Variants in PRMT8 observed in about 807,000 individuals in gnomAD.
PRMT8 encodes protein arginine N-methyltransferase 8.
PRMT8 carries 7 observed loss-of-function variants against 47.1 expected under a neutral mutation model. The observed-to-expected ratio is 0.15, with a 90% confidence interval of 0.08 to 0.28. The LOEUF is 0.28. PRMT8 is among the 10% of genes least tolerant of loss of function. PRMT8 has a pLI of 1.00. For synonymous variants in PRMT8, 188 were observed against 186.5 expected (o/e 1.01, Z -0.07); for missense variants, 237 against 505.4 (o/e 0.47, Z 5.09).
chr12:3,578,628 G>C (rs1296542725), intron 7 of PRMT8, among the ~76,000 whole-genome samples: 1 of 152,162 alleles, frequency 6.6e-6, no homozygotes, highest in Non-Finnish European at 1.5e-5. Flanking sequence ...AAAGTATCGG[G>C]GCAGGGTACT....
At chr12:3,539,196 G>A (rs1332972935) in intron 1 of PRMT8, among the ~76,000 whole-genome samples, 2 of 152,216 alleles carry the variant, frequency 1.3e-5, no homozygotes, top group Admixed American at 1.3e-4. Flanking sequence ...CTATGTGCCA[G>A]CCTGTTCTAA....
At chr12:3,554,413 G>T (rs766738395) in intron 4 of PRMT8, among the ~76,000 whole-genome samples, 12 of 152,240 alleles carry the variant, frequency 7.9e-5, no homozygotes, top group African/African-American at 1.2e-4. Flanking sequence ...CAGTGCTGGG[G>T]AGAACATCAG....
intron 1 of PRMT8, among the ~76,000 whole-genome samples, chr12:3,516,179 T>C (rs1309593235): frequency 1.3e-5 from 2 of 152,210 alleles, no homozygotes; most frequent in Non-Finnish European, 2.9e-5. Context: ...TTCTTTACCA[T>C]AGGCCCTAGG....
At chr12:3,549,825 T>A (rs1032032120) in intron 2 of PRMT8, 111 bp from the exon 3 acceptor site, 5 of 1,227,060 alleles carry the variant, frequency 4.1e-6, no homozygotes, top group Non-Finnish European at 5.8e-6. Context: ...CCTGATGATA[T>A]TATCGGGTCT....
chr12:3,439,707 A>G (rs1272103925), intron 1 of PRMT8, among the ~76,000 whole-genome samples: 3 of 152,198 alleles, frequency 2.0e-5, no homozygotes, highest in Admixed American at 2.0e-4. Flanking sequence ...AGGGGTTCAC[A>G]TGAGAAACAA....
intron 1 of PRMT8, among the ~76,000 whole-genome samples, chr12:3,406,154 T>C (rs1452330877): frequency 6.6e-6 from 1 of 152,254 alleles, no homozygotes; most frequent in African/African-American, 2.4e-5. Context: ...TTGCACCTTT[T>C]GAAGCAATGG....
chr12:3,587,515 G>A (rs184326094), intron 8 of PRMT8, among the ~76,000 whole-genome samples: 1 of 152,124 alleles, frequency 6.6e-6, no homozygotes, highest in Admixed American at 6.5e-5. Context: ...ATTGATTCGA[G>A]CTATGCCCTG....
chr12:3,535,882 C>T lies in PRMT8; in HGVS notation c.76-4724C>T, dbSNP rs147697341. Among the ~76,000 whole-genome samples the T allele has an allele frequency of 8.5e-4, 130 of 152,312 alleles. No homozygotes were observed. Among genetic ancestry groups the T allele is most frequent in the Middle Eastern group, 6.8e-3 (2 of 294 alleles). ...GTATACAAGATTGGAGTTTGAAAGTCACCTTCACTCAGAGACTCTGCTTGC... is the reference window on the plus strand; with the variant it reads ...GTATACAAGATTGGAGTTTGAAAGTTACCTTCACTCAGAGACTCTGCTTGC... On this transcript the variant is annotated intron_variant, in intron 1 of 9. Transcript: ENST00000382622. This position sits in a 1 kb window ranked among gnomAD's most constrained non-coding sequence, Gnocchi z 4.7.
At chr12:3,512,759 T>C (rs1175859418) in intron 1 of PRMT8, among the ~76,000 whole-genome samples, 1 of 152,228 alleles carries the variant, frequency 6.6e-6, no homozygotes, top group Admixed American at 6.5e-5. Context: ...GCCAACAGGA[T>C]GACTTAGTGG....
At chr12:3,577,288 G>C (rs970771366) in intron 7 of PRMT8, among the ~76,000 whole-genome samples, 1 of 152,250 alleles carries the variant, frequency 6.6e-6, no homozygotes, top group African/African-American at 2.4e-5. Flanking sequence ...ACACCTGGAA[G>C]AGGAGAGCGT....
rs967146941 is a variant in PRMT8 at position 3,566,987 on chromosome 12, T to C, written c.482-1719T>C. 6.6e-6 allele frequency among the ~76,000 whole-genome samples: 1 copy of C among 152,348 alleles called. No individual in the cohort carries two copies. Among genetic ancestry groups the C allele is most frequent in the Non-Finnish European group, 1.5e-5 (1 of 68,042 alleles). On this transcript the variant is annotated intron_variant, in intron 4 of 9. Transcript: ENST00000382622. The surrounding 1 kb of genome is among the most constrained non-coding windows in gnomAD (Gnocchi z 4.7). Reference sequence around the variant, plus strand: ...AAAAGGGACTCCAAAATTATGTGTATGTCTATGTCAGTTTATCAAAAACTC... The same window carrying C: ...AAAAGGGACTCCAAAATTATGTGTACGTCTATGTCAGTTTATCAAAAACTC...
chr12:3,516,809 C>T (rs879776970), intron 1 of PRMT8, among the ~76,000 whole-genome samples: 3 of 152,056 alleles, frequency 2.0e-5, no homozygotes, highest in Non-Finnish European at 2.9e-5. Context: ...CCTTCCCCCT[C>T]GCCCCTTAGT....
At chr12:3,394,576 G>T (rs1289353684) in intron 1 of PRMT8, among the ~76,000 whole-genome samples, 3 of 152,086 alleles carry the variant, frequency 2.0e-5, no homozygotes, top group Non-Finnish European at 4.4e-5. Context: ...TGATCATGGT[G>T]GATAAGCTTT....
chr12:3,386,185 T>C (rs577039588), intron 1 of PRMT8, among the ~76,000 whole-genome samples: 1 of 152,344 alleles, frequency 6.6e-6, no homozygotes, highest in South Asian at 2.1e-4. Context: ...TGTCTTTGTG[T>C]CTTTGGGCTG....
chr12:3,444,848 C>T (rs895655327), intron 1 of PRMT8, among the ~76,000 whole-genome samples: 2 of 152,194 alleles, frequency 1.3e-5, no homozygotes, highest in African/African-American at 4.8e-5. Flanking sequence ...CTGCACATGC[C>T]CCTTCGGGTG....
chr12:3,572,786 T>C lies in PRMT8; in HGVS notation c.712+3222T>C, dbSNP rs556799240. ...TGACCTCATTCTGAGGCAGTCCCAT[T>C]AGCCTCATCAGAGAAACTCAGATGG... On this transcript the variant is annotated intron_variant, in intron 6 of 9. Transcript: ENST00000382622. This position sits in a 1 kb window ranked among gnomAD's most constrained non-coding sequence, Gnocchi z 5.9. Among the ~76,000 whole-genome samples the C allele has an allele frequency of 6.6e-6, 1 of 152,308 alleles. No homozygotes were observed. Among genetic ancestry groups the C allele is most frequent in the South Asian group, 2.1e-4 (1 of 4,820 alleles).
At chr12:3,457,866 TAAG>T (rs1864993085) in intron 1 of PRMT8, among the ~76,000 whole-genome samples, 2 of 81,426 alleles carry the variant, frequency 2.5e-5, no homozygotes. Flanking sequence ...TTTTTTTTTT[TAAG>T]ACAGCGTTCT....
chr12:3,556,913 G>T (rs919937297), intron 4 of PRMT8, among the ~76,000 whole-genome samples: 1 of 152,198 alleles, frequency 6.6e-6, no homozygotes, highest in Non-Finnish European at 1.5e-5. Flanking sequence ...TTGCACAGGT[G>T]GAGAGGCGGC....
intron 1 of PRMT8, among the ~76,000 whole-genome samples, chr12:3,421,476 A>G (rs1452850021): frequency 1.3e-5 from 2 of 152,216 alleles, no homozygotes; most frequent in African/African-American, 4.8e-5. Context: ...CTGGGTCCTC[A>G]GGAGCTGGTG....
Sources: allele counts gnomAD v4.1 joint callset (sites outside exome capture counted in the v4.1 genomes callset), GRCh38; gene constraint gnomAD v4.1.1; non-coding constraint Gnocchi (gnomAD v3.1); transcripts MANE v1.5; gene names NCBI Gene and HGNC (gene_info 2026-07-23, HGNC 2026-07-21).